The following CCDC102B variants were observed in gnomAD, a reference collection of about 807,000 sequenced individuals.
The protein encoded by CCDC102B is coiled-coil domain containing 102B.
A neutral mutation model predicts 57.4 loss-of-function variants in CCDC102B; 75 were observed. The observed-to-expected ratio is 1.31, with a 90% CI of 1.08 to 1.58. The LOEUF (loss-of-function observed/expected upper bound fraction) is 1.58, where lower values mean the gene tolerates loss of function less well. Ranked by LOEUF, CCDC102B falls within the 40% of genes most tolerant of loss-of-function variation. The pLI is 0.00. For missense variants in CCDC102B, 636 were observed against 582.6 expected, an observed-to-expected ratio of 1.09 and a Z score of -0.94; for synonymous variants, 206 against 201.9, an observed-to-expected ratio of 1.02 and a Z score of -0.17.
intron 6 of CCDC102B, among the ~76,000 whole-genome samples, chr18:68,928,992 G>A (rs1475924084): frequency 1.3e-5 from 2 of 151,866 alleles, no homozygotes; most frequent in Non-Finnish European, 2.9e-5. Flanking sequence ...GGTGATGAGA[G>A]GCAATGCAGT....
chr18:68,797,077 G>A (rs1458280794), upstream of CCDC102B, among the ~76,000 whole-genome samples: 2 of 151,958 alleles, frequency 1.3e-5, no homozygotes, highest in East Asian at 1.9e-4. Flanking sequence ...CGGACAGGAG[G>A]GAACGTTCAA....
intron 6 of CCDC102B, among the ~76,000 whole-genome samples, chr18:68,911,105 A>G (rs564920407): frequency 3.7e-4 from 57 of 152,332 alleles, no homozygotes; most frequent in Middle Eastern, 6.8e-3. Context: ...AAAGGAATAT[A>G]AATCATTTTG....
intron 7 of CCDC102B, among the ~76,000 whole-genome samples, chr18:69,027,493 A>T (rs879302339): frequency 3.9e-5 from 6 of 152,212 alleles, no homozygotes; most frequent in Non-Finnish European, 7.3e-5. Context: ...TCCATATGCA[A>T]CAGGCAAGAT....
intron 7 of CCDC102B, among the ~76,000 whole-genome samples, chr18:69,028,124 G>A (rs2052041786): frequency 6.6e-6 from 1 of 152,218 alleles, no homozygotes; most frequent in Non-Finnish European, 1.5e-5. Context: ...TGAAGTGGGT[G>A]TAGAAGCATA....
intron 4 of CCDC102B, among the ~76,000 whole-genome samples, chr18:68,873,544 T>A (rs2039316584): frequency 6.6e-6 from 1 of 152,110 alleles, no homozygotes; most frequent in Non-Finnish European, 1.5e-5. Context: ...TTTAGAAAAG[T>A]TACTTAAGTC....
chr18:69,007,320 A>G (rs2051377887), intron 6 of CCDC102B, among the ~76,000 whole-genome samples: 1 of 152,220 alleles, frequency 6.6e-6, no homozygotes, highest in Non-Finnish European at 1.5e-5. Flanking sequence ...AAAAATACCA[A>G]GTGTCTGCCA....
At position 68,933,073 on chromosome 18, in the gene CCDC102B, TA is replaced by T. The variant is rs769063786; in HGVS notation, c.1263+35646del. Among the ~76,000 whole-genome samples the T allele has an allele frequency of 2.6e-3, 389 of 149,630 alleles. 1 individual carries two copies. The highest frequency in any genetic ancestry group is 4.6e-3 in the Non-Finnish European group (310 of 67,272). ...ATTTCCTCTGCTCTAAACACTTAAATAGTGTTATTTTATTTACTCCTCATAA... is the reference window on the plus strand; with the variant it reads ...ATTTCCTCTGCTCTAAACACTTAAATGTGTTATTTTATTTACTCCTCATAA... On this transcript the variant is annotated intron_variant, in intron 6 of 7. Coordinates refer to ENST00000360242, the MANE Select transcript of CCDC102B (RefSeq NM_024781.3).
At chr18:68,979,029 G>C (rs1252689369) in intron 6 of CCDC102B, among the ~76,000 whole-genome samples, 1 of 152,000 alleles carries the variant, frequency 6.6e-6, no homozygotes, top group African/African-American at 2.4e-5. Flanking sequence ...AACTGACTTG[G>C]AATGACAAGA....
In CCDC102B at chr18:68,809,120, A is replaced by AT. The variant is rs1346715932; in HGVS notation, c.-16+10941dup. 5.3e-5 allele frequency among the ~76,000 whole-genome samples: 8 copies of AT among 152,316 alleles called. No homozygotes were observed. The South Asian group carries it at 1.7e-3, about 32-fold the overall frequency. ...TCAATTACATTAATAAAAGCATATCATTCAAGGACTAAATCCAGCCTGCGG... is the reference window on the plus strand; with the variant it reads ...TCAATTACATTAATAAAAGCATATCATTTCAAGGACTAAATCCAGCCTGCGG... On this transcript the variant is annotated intron_variant, in intron 1 of 7. Transcript: ENST00000360242.
At chr18:69,047,288 AC>A (rs2052591657) in intron 7 of CCDC102B, among the ~76,000 whole-genome samples, 1 of 152,090 alleles carries the variant, frequency 6.6e-6, no homozygotes, top group Non-Finnish European at 1.5e-5. Flanking sequence ...GAAGACAAAA[AC>A]CACATGATTA....
rs146643350 is a variant in CCDC102B at position 68,865,693 on chromosome 18, G to A, written c.937-8976G>A. On this transcript the variant is annotated intron_variant, in intron 4 of 7. Transcript: ENST00000360242. ...GCATTTTGCCAGAGTGAAAAAACAC[G>A]TGGGAGTACTTAACAGAGAGATATG... Among the ~76,000 whole-genome samples the A allele has an allele frequency of 2.0e-3, 298 of 152,198 alleles. 1 individual carries two copies. The highest frequency in any genetic ancestry group is 6.6e-3 in the African/African-American group (275 of 41,536).
rs2035700693 is a variant in CCDC102B, at chr18:68,798,190, G to A, written c.-16+9G>A. 2.0e-5 allele frequency: 3 copies of A among 152,120 alleles called. No homozygotes were observed. The highest frequency in any genetic ancestry group is 2.4e-5 in the African/African-American group (1 of 41,424). The allele number at this position is 152,120 out of a possible 1,614,324, so 9.4% of individuals were successfully genotyped here. On this transcript the variant is annotated intron_variant, in intron 1 of 7. Transcript: ENST00000360242. ...CCCAGCAAGCCCAGAGGGTAAGAGT[G>A]TTTAATAACCTTGTGGTTTTCTATT...
At chr18:68,972,868 G>T (rs998518124) in intron 6 of CCDC102B, among the ~76,000 whole-genome samples, 4 of 151,948 alleles carry the variant, frequency 2.6e-5, no homozygotes, top group African/African-American at 9.7e-5. Context: ...TTTTATCTTT[G>T]TTTAAAGGTT....
intron 2 of CCDC102B, among the ~76,000 whole-genome samples, chr18:68,740,281 T>C (rs1228178633): frequency 2.6e-5 from 4 of 152,232 alleles, no homozygotes; most frequent in African/African-American, 9.6e-5. Context: ...TTCTCCTGTA[T>C]TGATAAAATG....
At chr18:68,789,976 C>T (rs1404869763) in intron 2 of CCDC102B, among the ~76,000 whole-genome samples, 3 of 151,030 alleles carry the variant, frequency 2.0e-5, no homozygotes, top group African/African-American at 7.3e-5. Flanking sequence ...TACTTTTGGT[C>T]TTTGATGATG....
At chr18:69,019,937 TC>T (rs1195599599) in intron 7 of CCDC102B, among the ~76,000 whole-genome samples, 1 of 152,136 alleles carries the variant, frequency 6.6e-6, no homozygotes, top group African/African-American at 2.4e-5. Flanking sequence ...TTGAACTTCG[TC>T]AAAGGCATTT....
upstream of CCDC102B, among the ~76,000 whole-genome samples, chr18:68,793,113 C>T (rs1286765607): frequency 6.6e-6 from 1 of 152,174 alleles, no homozygotes; most frequent in African/African-American, 2.4e-5. Flanking sequence ...AACACCACAG[C>T]TGTACTCTGT....
intron 7 of CCDC102B, among the ~76,000 whole-genome samples, chr18:69,038,013 T>C (rs1459176621): frequency 3.3e-5 from 5 of 151,992 alleles, no homozygotes; most frequent in Admixed American, 1.3e-4. Flanking sequence ...TTATAAGAGA[T>C]TGAAACAGAT....
chr18:68,813,975 T>A (rs2144719840), intron 1 of CCDC102B, among the ~76,000 whole-genome samples: 1 of 151,962 alleles, frequency 6.6e-6, no homozygotes, highest in Non-Finnish European at 1.5e-5. Flanking sequence ...ATATAGAAGA[T>A]GATGAAGAAT....
Sources: allele counts gnomAD v4.1 joint callset (sites outside exome capture counted in the v4.1 genomes callset), GRCh38; gene constraint gnomAD v4.1.1; transcripts MANE v1.5; gene names NCBI Gene and HGNC (gene_info 2026-07-23, HGNC 2026-07-21).